ATAD3B: variants seen among roughly 807,000 people sequenced by gnomAD.
The protein encoded by ATAD3B is ATPase family AAA domain-containing protein 3B.
A neutral mutation model predicts 70.2 loss-of-function variants in ATAD3B; 59 were observed. The ratio of observed to expected loss-of-function variants is 0.84; its 90% CI spans 0.68 to 1.04. ATAD3B has a LOEUF of 1.04. Among genes scored for constraint, ATAD3B ranks in the 50% least tolerant of loss-of-function variants. The pLI is 0.00. For synonymous variants in ATAD3B, 423 were observed against 388.6 expected (o/e 1.09, Z -1.04); for missense variants, 961 against 913.4 (o/e 1.05, Z -0.67).
chr1:1,479,649 AG>A (rs1446320287), intron 4 of ATAD3B, among the ~76,000 whole-genome samples: 1 of 136,558 alleles, frequency 7.3e-6, no homozygotes, highest in African/African-American at 2.9e-5. Flanking sequence ...GCACACACAC[AG>A]GTATGCAGAC....
At chr1:1,483,623 T>C (rs1229741705) in intron 7 of ATAD3B, 1 of 157,338 alleles carries the variant, frequency 6.4e-6, no homozygotes, top group Non-Finnish European at 1.4e-5. Flanking sequence ...AATACAAAAA[T>C]TGGCCGGGCC....
downstream of ATAD3B, among the ~76,000 whole-genome samples, chr1:1,498,160 C>T (rs904386173): frequency 6.6e-5 from 10 of 151,828 alleles, no homozygotes; most frequent in Non-Finnish European, 1.2e-4. Context: ...GAAAGTTAGC[C>T]GGCATGGTGG....
chr1:1,475,343 C>T (rs1266147899), intron 1 of ATAD3B, among the ~76,000 whole-genome samples: 3 of 151,644 alleles, frequency 2.0e-5, no homozygotes, highest in Non-Finnish European at 2.9e-5. Context: ...CCGGAGTTGA[C>T]TGCCCCCTTT....
At position 1,471,929 on chromosome 1, in the gene ATAD3B, C is replaced by T. The variant is rs1639344458; in HGVS notation, c.45C>T (p.Gly15=). 6 of 1,245,846 alleles carry T rather than the reference C, an allele frequency of 4.8e-6. No homozygotes were observed. The highest frequency in any genetic ancestry group is 6.1e-6 in the Non-Finnish European group (6 of 990,888). The allele number at this position is 1,245,846 out of a possible 1,614,324, so 77.2% of individuals were successfully genotyped here. A position where few individuals can be genotyped will look rare whatever the true frequency, so the allele number is the denominator to read the frequency against. Residue 15 remains glycine, a synonymous_variant, in exon 1 of 16, where the codon GGC becomes GGT. Coordinates refer to ENST00000673477, the MANE Select transcript of ATAD3B (RefSeq NM_031921.6). Reference sequence around the variant, plus strand: ...TTAACAAGGGCCCCAAGGGTGAAGGCGCGGGGCCGCCGCCGCCTTTGCCGC... The same window carrying T: ...TTAACAAGGGCCCCAAGGGTGAAGGTGCGGGGCCGCCGCCGCCTTTGCCGC... The part of the protein sequence containing the change: ...FGVNKGPKGE[G]AGPPPPLPPA...
chr1:1,499,234 G>A (rs1205174930), downstream of ATAD3B, among the ~76,000 whole-genome samples: 1 of 150,092 alleles, frequency 6.7e-6, no homozygotes, highest in Non-Finnish European at 1.5e-5. Context: ...ACCTCCCAAA[G>A]TGCTGGGATT....
At chr1:1,502,437 T>A (rs1246981200), downstream of ATAD3B, among the ~76,000 whole-genome samples, 1 of 149,998 alleles carries the variant, frequency 6.7e-6, no homozygotes, top group Non-Finnish European at 1.5e-5. Context: ...GATGATCTCC[T>A]GACCTCGTGA....
chr1:1,472,783 T>A (rs1639396698), intron 1 of ATAD3B, among the ~76,000 whole-genome samples: 1 of 152,038 alleles, frequency 6.6e-6, no homozygotes, highest in Admixed American at 6.6e-5. Context: ...AGGTGCTGAA[T>A]TCATTGAAAG....
At chr1:1,495,369 C>G in intron 15 of ATAD3B, 116 bp from the exon 16 acceptor site, 1 of 1,385,534 alleles carries the variant, frequency 7.2e-7, no homozygotes, top group East Asian at 2.3e-5. Flanking sequence ...CTGTGTTTCA[C>G]CCTGAGGTTG....
chr1:1,502,843 T>C (rs573206885), downstream of ATAD3B, among the ~76,000 whole-genome samples: 3 of 151,934 alleles, frequency 2.0e-5, no homozygotes, highest in South Asian at 4.2e-4. Context: ...ACTTTACTTT[T>C]GTTGAAAACC....
intron 1 of ATAD3B, among the ~76,000 whole-genome samples, chr1:1,473,782 C>T (rs549115500): frequency 6.6e-6 from 1 of 152,052 alleles, no homozygotes; most frequent in Non-Finnish European, 1.5e-5. Flanking sequence ...TCCTGAGCCA[C>T]CGCACCCTGC....
chr1:1,491,719 A>G (rs1640549147), intron 15 of ATAD3B, among the ~76,000 whole-genome samples: 1 of 151,942 alleles, frequency 6.6e-6, no homozygotes, highest in Non-Finnish European at 1.5e-5. Context: ...GTAGCCAAGT[A>G]CCTTGATTTG....
At chr1:1,490,534 G>T (rs1274366417) in intron 14 of ATAD3B, 29 bp from the exon 15 acceptor site, 1 of 1,611,262 alleles carries the variant, frequency 6.2e-7, no homozygotes, top group African/African-American at 1.3e-5. Flanking sequence ...CGCGGCCTTG[G>T]CTGCCTCACT....
rs574116808 is a variant in ATAD3B at position 1,479,551 on chromosome 1, A to G, written c.444+443A>G. Among the ~76,000 whole-genome samples the G allele has an allele frequency of 9.6e-4, 133 of 139,130 alleles. 14 individuals carry two copies. The highest frequency in any genetic ancestry group is 3.5e-3 in the African/African-American group (127 of 36,226). 91.3% of individuals were successfully genotyped at this position (139,130 alleles called of 152,430 possible). A position where few individuals can be genotyped will look rare whatever the true frequency, so the allele number is the denominator to read the frequency against. ...ACCCCCACACAACACGGGCACGCAC[A>G]CACACACCCCGCCACAACACAGGCA... On this transcript the variant is annotated intron_variant, in intron 4 of 15. Transcript: ENST00000673477.
At chr1:1,489,440 G>A in intron 13 of ATAD3B, 166 bp downstream of exon 13, 1 of 1,288,520 alleles carries the variant, frequency 7.8e-7, no homozygotes, top group South Asian at 1.5e-5. Context: ...AGCACGGGGT[G>A]TCATTGAGGA....
rs1411137877 is a variant in ATAD3B at position 1,485,818 on chromosome 1, C to CCT, written c.943_944insCT (p.Leu315ProfsTer20). On this transcript the variant is annotated frameshift_variant, in exon 9 of 16. Coordinates refer to ENST00000673477, the MANE Select transcript of ATAD3B (RefSeq NM_031921.6). LOFTEE classifies it high-confidence loss of function. ...GCTCCTCAGTCGACCCCAGGACGTG[C>CCT]TGGAGGGTGTTGTGCTTAGTGTAAG... 6.2e-7 allele frequency: 1 copy of CCT among 1,613,092 alleles called. No individual in the cohort carries two copies.
chr1:1,476,537 C>G (rs1022180255), intron 1 of ATAD3B, among the ~76,000 whole-genome samples: 3 of 151,326 alleles, frequency 2.0e-5, no homozygotes, highest in Admixed American at 1.3e-4. Context: ...TTGAGACGGA[C>G]TCTTGCTGTC....
intron 2 of ATAD3B, 73 bp downstream of exon 2, chr1:1,477,423 T>C: frequency 1.2e-6 from 2 of 1,603,414 alleles, no homozygotes; most frequent in Admixed American, 3.4e-5. Flanking sequence ...GTGGGGCTGC[T>C]ACTGGTGGGT....
intron 1 of ATAD3B, 62 bp from the exon 2 acceptor site, chr1:1,477,212 G>T (rs1163265715): frequency 1.9e-6 from 3 of 1,594,754 alleles, no homozygotes; most frequent in Non-Finnish European, 1.7e-6. Flanking sequence ...GTTTCACCAT[G>T]TTGGCCAGGC....
In ATAD3B at chr1:1,496,096, C is replaced by A. The variant is rs1169688445; in HGVS notation, c.*279C>A. ...CCCTGCTTCCAGCCATGGCCAGGGG[C>A]CACGGAACCCGGCAGGGGTGTCTGA... On this transcript the variant is annotated 3_prime_UTR_variant, in exon 16 of 16. Coordinates refer to ENST00000673477, the MANE Select transcript of ATAD3B (RefSeq NM_031921.6). 1 of 1,196,494 alleles carries A rather than the reference C, an allele frequency of 8.4e-7. No individual in the cohort carries two copies. The highest frequency in any genetic ancestry group is 3.7e-5 in the East Asian group (1 of 26,798). 74.1% of individuals were successfully genotyped at this position (1,196,494 alleles called of 1,614,324 possible).
Sources: allele counts gnomAD v4.1 joint callset (sites outside exome capture counted in the v4.1 genomes callset), GRCh38; gene constraint gnomAD v4.1.1; transcripts MANE v1.5; gene names NCBI Gene and HGNC (gene_info 2026-07-23, HGNC 2026-07-21).